Variants in SNRPN observed in about 807,000 individuals in gnomAD.
SNRPN encodes small nuclear ribonucleoprotein-associated protein N.
SNRPN carries 7 observed loss-of-function variants against 25.2 expected under a neutral mutation model. The observed-to-expected ratio is 0.28, with a 90% confidence interval of 0.16 to 0.52. The LOEUF (loss-of-function observed/expected upper bound fraction) is 0.52. Among genes scored for constraint, SNRPN ranks in the 20% least tolerant of loss-of-function variants. SNRPN has a pLI of 0.96. For missense variants in SNRPN, 196 were observed against 322.5 expected, an observed-to-expected ratio of 0.61 and a Z score of 3.00; for synonymous variants, 124 against 110.6, an observed-to-expected ratio of 1.12 and a Z score of -0.76.
At chr15:24,959,992 T>A (rs750577528) in intron 1 of SNRPN, among the ~76,000 whole-genome samples, 5 of 152,208 alleles carry the variant, frequency 3.3e-5, no homozygotes, top group Non-Finnish European at 5.9e-5. Flanking sequence ...TGTCTGGGCA[T>A]GGTGGCTCAT....
At position 24,873,272 on chromosome 15, in the gene SNRPN, T is replaced by C. The variant is rs1264441214; in HGVS notation, c.-578-13244T>C. 1.7e-5 allele frequency among the ~76,000 whole-genome samples: 2 copies of C among 120,186 alleles called. 1 individual carries two copies. The highest frequency in any genetic ancestry group is 5.7e-5 in the African/African-American group (2 of 34,918). 78.8% of individuals were successfully genotyped at this position (120,186 alleles called of 152,430 possible). A position where few individuals can be genotyped will look rare whatever the true frequency, so the allele number is the denominator to read the frequency against. ...TACCTAGTCTACAAAGCCATGGGAC[T>C]ACATACCACAGTCCCAGGGACAACC... is the stretch of plus-strand genomic sequence containing the variant. On this transcript the variant is annotated intron_variant, in intron 1 of 11. Transcript: ENST00000400097.
At chr15:24,935,502 G>C (rs1401762044) in intron 3 of SNRPN, among the ~76,000 whole-genome samples, 2 of 152,132 alleles carry the variant, frequency 1.3e-5, no homozygotes, top group Admixed American at 1.3e-4. Context: ...TGAGTGGATA[G>C]GGAATGTTTT....
At chr15:24,976,742 T>C (rs2077104957) in intron 6 of SNRPN, 135 bp from the exon 7 acceptor site, 1 of 782,280 alleles carries the variant, frequency 1.3e-6, no homozygotes, top group Non-Finnish European at 2.1e-6. Context: ...TACTTGCTTG[T>C]TTGTTCATTT....
At position 24,976,164 on chromosome 15, in the gene SNRPN, A is replaced by G. The variant is rs370882516; in HGVS notation, c.156-141A>G. 4.3e-5 allele frequency: 29 copies of G among 672,156 alleles called. No individual in the cohort carries two copies. The African/African-American group carries it at 4.7e-4, about 11-fold the overall frequency. 41.6% of individuals were successfully genotyped at this position (672,156 alleles called of 1,614,324 possible). On this transcript the variant is annotated intron_variant, in intron 5 of 9. Coordinates refer to ENST00000390687, the MANE Select transcript of SNRPN (RefSeq NM_003097.6). ...TTGTATATTAACTGTGTTTACAGAT[A>G]TTTTTTGGCTTGTTTTTCAGTGATA...
At chr15:24,844,722 C>G (rs2052034409) in intron 2 of SNRPN, among the ~76,000 whole-genome samples, 1 of 152,056 alleles carries the variant, frequency 6.6e-6, no homozygotes, top group African/African-American at 2.4e-5. Flanking sequence ...TGGGGTTTCA[C>G]CATGTTGGCC....
At chr15:24,955,263 C>G (rs1347259835) in intron 1 of SNRPN, among the ~76,000 whole-genome samples, 1 of 152,092 alleles carries the variant, frequency 6.6e-6, no homozygotes, top group Non-Finnish European at 1.5e-5. Flanking sequence ...CCTGTCCGCT[C>G]GCATTGGGGC....
intron 1 of SNRPN, among the ~76,000 whole-genome samples, chr15:24,884,610 T>TTTTGGA (rs201330512): frequency 0.036 from 5,509 of 152,242 alleles, 326 homozygotes; most frequent in African/African-American, 0.12. Context: ...TGTGGATAGC[T>TTTTGGA]TTCTTTTGGA....
chr15:24,965,856 G>A (rs1001705908), intron 2 of SNRPN, among the ~76,000 whole-genome samples: 1 of 150,338 alleles, frequency 6.7e-6, no homozygotes, highest in Non-Finnish European at 1.5e-5. Flanking sequence ...TACGTTTCAA[G>A]ATAACATTAT....
intron 3 of SNRPN, among the ~76,000 whole-genome samples, chr15:24,942,111 T>A (rs2061590949): frequency 6.6e-6 from 1 of 152,158 alleles, no homozygotes; most frequent in South Asian, 2.1e-4. Context: ...TTCAGTCCAA[T>A]TACTGCTATA....
At chr15:24,911,374 G>A (rs1282684928) in intron 2 of SNRPN, among the ~76,000 whole-genome samples, 1 of 152,160 alleles carries the variant, frequency 6.6e-6, no homozygotes, top group Non-Finnish European at 1.5e-5. Flanking sequence ...AGAGCACTGA[G>A]AATGCCACAA....
chr15:24,891,966 A>AT (rs767339885), intron 2 of SNRPN, among the ~76,000 whole-genome samples: 1 of 152,124 alleles, frequency 6.6e-6, no homozygotes, highest in Non-Finnish European at 1.5e-5. Context: ...TTTTTTCCCT[A>AT]TTGTCCCTGG....
intron 3 of SNRPN, among the ~76,000 whole-genome samples, chr15:24,937,197 T>A (rs2061285593): frequency 6.6e-6 from 1 of 152,016 alleles, no homozygotes; most frequent in African/African-American, 2.4e-5. Flanking sequence ...GACGAGATCA[T>A]GCCACACCAC....
In SNRPN at chr15:24,845,327, G is replaced by A. The variant is rs539597940; in HGVS notation, c.-579+15422G>A. On this transcript the variant is annotated intron_variant, in intron 2 of 12. Transcript: ENST00000400100. ...TAAACTTGAAATAATGGCCAGGTGC[G>A]GTGGCTCACGCCTGTAATCTGGCAC... is the stretch of plus-strand genomic sequence containing the variant. Among the ~76,000 whole-genome samples the A allele has an allele frequency of 1.5e-3, 222 of 152,270 alleles. 2 individuals carry two copies. Among genetic ancestry groups the A allele is most frequent in the Admixed American group, 3.9e-3 (59 of 15,292 alleles).
At chr15:24,909,517 G>T in intron 2 of SNRPN, 1 of 1,507,592 alleles carries the variant, frequency 6.6e-7, no homozygotes, top group Non-Finnish European at 9.1e-7. Context: ...CCAGCGGCAG[G>T]CCAGTACAAT....
intron 1 of SNRPN, among the ~76,000 whole-genome samples, chr15:24,880,341 G>C (rs2056458552): frequency 1.3e-5 from 2 of 152,132 alleles, no homozygotes; most frequent in South Asian, 4.1e-4. Flanking sequence ...CTTCACTCTT[G>C]AGTTCCGTTT....
At chr15:24,857,372 T>TCATTCAG (rs2053505603) in intron 1 of SNRPN, among the ~76,000 whole-genome samples, 2 of 152,206 alleles carry the variant, frequency 1.3e-5, no homozygotes, top group Non-Finnish European at 2.9e-5. Flanking sequence ...GATATAGATA[T>TCATTCAG]ATATTTTTTT....
chr15:24,905,919 A>C (rs2058769819), intron 2 of SNRPN, among the ~76,000 whole-genome samples: 1 of 152,186 alleles, frequency 6.6e-6, no homozygotes, highest in Admixed American at 6.5e-5. Context: ...CAACAGACAC[A>C]AAGGTGATTT....
At chr15:24,971,651 G>C (rs908197383) in intron 3 of SNRPN, among the ~76,000 whole-genome samples, 1 of 152,094 alleles carries the variant, frequency 6.6e-6, no homozygotes, top group Non-Finnish European at 1.5e-5. Flanking sequence ...CGCTAAGCTT[G>C]TGGGAGTTAT....
intron 1 of SNRPN, among the ~76,000 whole-genome samples, chr15:24,876,501 A>G (rs1162776468): frequency 6.6e-6 from 1 of 151,410 alleles, no homozygotes; most frequent in Non-Finnish European, 1.5e-5. Context: ...CCTGTAATCC[A>G]AGCTACTCAG....
Sources: gnomAD v4.1 joint callset for allele counts (sites outside exome capture counted in the v4.1 genomes callset) on GRCh38, gnomAD v4.1.1 for gene constraint, MANE v1.5 for transcripts, NCBI Gene and HGNC (gene_info 2026-07-23, HGNC 2026-07-21) for gene names.